PCDH15: variants seen among roughly 807,000 people sequenced by gnomAD.
PCDH15 encodes protocadherin related 15.
Under a neutral mutation model 178.5 loss-of-function variants are expected in PCDH15, and 129 were observed. The observed-to-expected ratio is 0.72, with a 90% confidence interval of 0.63 to 0.84. PCDH15 has a LOEUF of 0.84. Ranked by LOEUF, PCDH15 falls within the 40% of genes least tolerant of loss-of-function variation. The probability of loss-of-function intolerance (pLI) is 0.00; values close to 1 mark genes in which losing one functional copy is unlikely to be tolerated. For synonymous variants in PCDH15, 800 were observed against 732.0 expected (o/e 1.09, Z -1.50); for missense variants, 2,230 against 2,099.9 (o/e 1.06, Z -1.21).
intron 2 of PCDH15, among the ~76,000 whole-genome samples, chr10:55,120,568 T>C (rs951533861): frequency 2.6e-5 from 4 of 151,978 alleles, no homozygotes; most frequent in African/African-American, 9.7e-5. Context: ...AGAGTGAACA[T>C]TGACATATGA....
intron 1 of PCDH15, among the ~76,000 whole-genome samples, chr10:55,213,066 T>A (rs1164922424): frequency 6.6e-6 from 1 of 152,120 alleles, no homozygotes; most frequent in African/African-American, 2.4e-5. Flanking sequence ...TATAAAGACA[T>A]GATTAAAATA....
At chr10:54,364,225 AT>A (rs1946477743) in intron 5 of PCDH15, among the ~76,000 whole-genome samples, 3 of 142,358 alleles carry the variant, frequency 2.1e-5, no homozygotes, top group South Asian at 2.2e-4. Flanking sequence ...AAAAAAAAAA[AT>A]TGACCTTGTC....
At chr10:54,319,163 A>T (rs757906898) in intron 7 of PCDH15, among the ~76,000 whole-genome samples, 5 of 152,190 alleles carry the variant, frequency 3.3e-5, no homozygotes, top group Middle Eastern at 3.2e-3. Context: ...ATTATTTTGA[A>T]GAACTATTAT....
At chr10:53,936,290 T>TGAAATATGTTTAATAC (rs1167217585) in intron 25 of PCDH15, among the ~76,000 whole-genome samples, 4 of 152,214 alleles carry the variant, frequency 2.6e-5, no homozygotes, top group Non-Finnish European at 4.4e-5. Flanking sequence ...ATGTTTAATA[T>TGAAATATGTTTAATAC]GAACTATGTT....
chr10:54,241,867 G>GTTTAAGAACCTTAAAATTATTATTTTAAT (rs944709073), intron 8 of PCDH15, among the ~76,000 whole-genome samples: 2,812 of 150,760 alleles, frequency 0.019, 46 homozygotes, highest in South Asian at 0.06. Context: ...TAATTATATG[G>GTTTAAGAACCTTAAAATTATTATTTTAAT]TTTAAGAACC....
intron 2 of PCDH15, among the ~76,000 whole-genome samples, chr10:55,060,714 C>T (rs934937408): frequency 5.9e-5 from 9 of 151,660 alleles, no homozygotes; most frequent in Admixed American, 2.0e-4. Context: ...TTCAAAAAAA[C>T]GATTTTATAT....
At chr10:55,609,461 G>T (rs990774627) in intron 2 of PCDH15, among the ~76,000 whole-genome samples, 1 of 152,036 alleles carries the variant, frequency 6.6e-6, no homozygotes, top group Non-Finnish European at 1.5e-5. Context: ...TTAATAATCT[G>T]TAAAGTATTG....
chr10:55,321,931 T>C (rs1643470904), upstream of PCDH15, among the ~76,000 whole-genome samples: 1 of 152,184 alleles, frequency 6.6e-6, no homozygotes, highest in African/African-American at 2.4e-5. Context: ...AGTGACACTT[T>C]AAAGCAACCA....
intron 2 of PCDH15, among the ~76,000 whole-genome samples, chr10:55,385,846 C>A (rs1281145526): frequency 6.7e-6 from 1 of 150,004 alleles, no homozygotes; most frequent in African/African-American, 2.4e-5. Context: ...CGTAGATATG[C>A]ACATCTATAT....
At chr10:54,995,206 C>G (rs1340704074) in intron 2 of PCDH15, among the ~76,000 whole-genome samples, 3 of 151,938 alleles carry the variant, frequency 2.0e-5, no homozygotes, top group Non-Finnish European at 2.9e-5. Context: ...GAAACCCTGT[C>G]TCTACTAAAA....
intron 3 of PCDH15, among the ~76,000 whole-genome samples, chr10:54,807,170 T>C (rs1328936097): frequency 6.6e-6 from 1 of 152,172 alleles, no homozygotes; most frequent in Non-Finnish European, 1.5e-5. Context: ...AGACAGCAAA[T>C]TATATCTAAA....
intron 3 of PCDH15, among the ~76,000 whole-genome samples, chr10:54,856,531 G>T (rs1328879086): frequency 2.0e-5 from 3 of 152,104 alleles, no homozygotes; most frequent in Admixed American, 1.3e-4. Flanking sequence ...GGTCATAAGT[G>T]CCACTTATAT....
intron 37 of PCDH15, among the ~76,000 whole-genome samples, chr10:53,807,615 T>C (rs1841280752): frequency 6.6e-6 from 1 of 152,142 alleles, no homozygotes; most frequent in Non-Finnish European, 1.5e-5. Context: ...AGCGAAAACT[T>C]TTGTATAATT....
chr10:54,309,360 A>G (rs2060759000), intron 8 of PCDH15, among the ~76,000 whole-genome samples: 1 of 151,150 alleles, frequency 6.6e-6, no homozygotes, highest in East Asian at 1.9e-4. Flanking sequence ...CACACACTTC[A>G]CATATGTACC....
Position 54,183,384 on chromosome 10 carries a change from C to T in PCDH15, c.1590+60G>A, listed in dbSNP as rs547247605. 1.4e-4 allele frequency: 203 copies of T among 1,436,522 alleles called. 1 individual carries two copies. The highest frequency in any genetic ancestry group is 1.9e-4 in the Non-Finnish European group (193 of 1,019,868). The allele number at this position is 1,436,522 out of a possible 1,614,324, so 89.0% of individuals were successfully genotyped here. On this transcript the variant is annotated intron_variant, in intron 13 of 37. Transcript: ENST00000644397. Reference sequence around the variant, plus strand: ...TTAAGTAATTTCTTCATGAGCATATCGTATAATGCACATGTAAATAACAGC... The same window carrying T: ...TTAAGTAATTTCTTCATGAGCATATTGTATAATGCACATGTAAATAACAGC...
At chr10:54,176,929 A>G (rs2047496873) in intron 13 of PCDH15, among the ~76,000 whole-genome samples, 1 of 148,078 alleles carries the variant, frequency 6.8e-6, no homozygotes. Context: ...GGTATTTACC[A>G]AAAGGATTTG....
intron 3 of PCDH15, among the ~76,000 whole-genome samples, chr10:54,421,861 A>G (rs1565231269): frequency 1.2e-5 from 1 of 81,914 alleles, no homozygotes; most frequent in Non-Finnish European, 2.5e-5. Flanking sequence ...ATATATATAT[A>G]TACACACACT....
chr10:54,445,908 CA>C (rs1451149864), intron 3 of PCDH15, among the ~76,000 whole-genome samples: 11 of 151,636 alleles, frequency 7.3e-5, no homozygotes, highest in Middle Eastern at 3.4e-3. Flanking sequence ...TCTTCATTAG[CA>C]GGTTGCATTT....
At chr10:54,446,860 A>T (rs2076170150) in intron 3 of PCDH15, among the ~76,000 whole-genome samples, 1 of 151,554 alleles carries the variant, frequency 6.6e-6, no homozygotes, top group East Asian at 1.9e-4. Context: ...CAAGCAGGAG[A>T]AGATAACTTC....
Sources: gnomAD v4.1 joint callset for allele counts (sites outside exome capture counted in the v4.1 genomes callset) on GRCh38, gnomAD v4.1.1 for gene constraint, MANE v1.5 for transcripts, NCBI Gene and HGNC (gene_info 2026-07-23, HGNC 2026-07-21) for gene names.